The following DPP10 variants were observed in gnomAD, a reference collection of about 807,000 sequenced individuals.
The protein encoded by DPP10 is dipeptidyl peptidase like 10, also known as inactive dipeptidyl peptidase 10.
DPP10 carries 33 observed loss-of-function variants against 120.9 expected under a neutral mutation model. The observed-to-expected ratio is 0.27, with a 90% CI of 0.21 to 0.37. DPP10 has a LOEUF of 0.37. Among genes scored for constraint, DPP10 ranks in the 10% least tolerant of loss-of-function variants. The pLI is 1.00. For missense variants in DPP10, 816 were observed against 942.8 expected (o/e 0.87, Z 1.76); for synonymous variants, 337 against 326.1 (o/e 1.03, Z -0.36).
chr2:114,856,619 T>G, intron 1 of DPP10, among the ~76,000 whole-genome samples: 1 of 152,132 alleles, frequency 6.6e-6, no homozygotes, highest in East Asian at 1.9e-4. Context: ...TGAAAGAAAC[T>G]AAATACAAAA....
At chr2:114,532,491 C>A (rs956555452) in intron 1 of DPP10, among the ~76,000 whole-genome samples, 3 of 151,612 alleles carry the variant, frequency 2.0e-5, no homozygotes, top group African/African-American at 7.3e-5. Context: ...CTACCCACTA[C>A]CCAGGTAAAG....
rs756330006 is a variant in DPP10, at chr2:115,670,493, G to T, written c.442-19194G>T. ...CAGTTTTTGTAAGCTTTTTATCTTA[G>T]GTTCAGTCTAAGAGTAAAAAGCATT... On this transcript the variant is annotated intron_variant, in intron 5 of 25. Coordinates refer to ENST00000410059, the MANE Select transcript of DPP10 (RefSeq NM_020868.6). Among the ~76,000 whole-genome samples, 120 of 152,038 alleles carry T rather than the reference G, an allele frequency of 7.9e-4. 1 individual carries two copies. In the Middle Eastern group the frequency reaches 0.01, roughly 13 times the overall value.
chr2:114,646,195 T>TAAATAAAA (rs1438353730), intron 1 of DPP10, among the ~76,000 whole-genome samples: 51 of 144,628 alleles, frequency 3.5e-4, no homozygotes, highest in African/African-American at 1.3e-3. Context: ...AATAAATAAA[T>TAAATAAAA]AAAAAGGGGG....
At chr2:114,691,981 T>C (rs1172601500) in intron 1 of DPP10, among the ~76,000 whole-genome samples, 1 of 152,100 alleles carries the variant, frequency 6.6e-6, no homozygotes, top group African/African-American at 2.4e-5. Flanking sequence ...TCTTTTCTTC[T>C]TTATTAGTAT....
intron 1 of DPP10, among the ~76,000 whole-genome samples, chr2:114,822,667 G>A (rs780579947): frequency 1.3e-5 from 2 of 151,482 alleles, no homozygotes; most frequent in Non-Finnish European, 2.9e-5. Context: ...GTGCAAGTTC[G>A]TTACATATGT....
At chr2:115,107,630 C>A (rs1005751370) in intron 1 of DPP10, among the ~76,000 whole-genome samples, 1 of 151,712 alleles carries the variant, frequency 6.6e-6, no homozygotes, top group Non-Finnish European at 1.5e-5. Context: ...ATAACAAAAT[C>A]TTTTTCAATT....
At chr2:115,342,402 C>T (rs1307088660) in intron 2 of DPP10, among the ~76,000 whole-genome samples, 5 of 151,970 alleles carry the variant, frequency 3.3e-5, no homozygotes, top group Non-Finnish European at 4.4e-5. Context: ...TTGGTTGACA[C>T]GGAGTTTCAC....
intron 1 of DPP10, among the ~76,000 whole-genome samples, chr2:114,840,778 G>A (rs537294781): frequency 4.6e-5 from 7 of 152,204 alleles, no homozygotes; most frequent in Admixed American, 2.6e-4. Flanking sequence ...AGAGAGATAC[G>A]TATTGTCACT....
At chr2:115,236,175 ACTAAACC>A (rs2057998218) in intron 1 of DPP10, among the ~76,000 whole-genome samples, 1 of 152,204 alleles carries the variant, frequency 6.6e-6, no homozygotes, top group Non-Finnish European at 1.5e-5. Flanking sequence ...ATACATTGTC[ACTAAACC>A]CCCAAAGAAA....
At chr2:114,527,387 T>C (rs1053911968) in intron 1 of DPP10, among the ~76,000 whole-genome samples, 1 of 152,168 alleles carries the variant, frequency 6.6e-6, no homozygotes, top group Non-Finnish European at 1.5e-5. Flanking sequence ...CCAGTCCAAA[T>C]GGGACTATTC....
At chr2:115,086,931 C>A (rs1174046866) in intron 1 of DPP10, among the ~76,000 whole-genome samples, 2 of 152,114 alleles carry the variant, frequency 1.3e-5, no homozygotes, top group African/African-American at 4.8e-5. Flanking sequence ...TTTTACAGGG[C>A]TTGACTATTT....
At position 114,481,605 on chromosome 2, in the gene DPP10, A is replaced by G. The variant is rs148924389; in HGVS notation, c.60+38767A>G. Among the ~76,000 whole-genome samples, 46 of 152,278 alleles carry G rather than the reference A, an allele frequency of 3.0e-4. No homozygotes were observed. In the East Asian group the frequency reaches 6.9e-3, roughly 23 times the overall value. On this transcript the variant is annotated intron_variant, in intron 1 of 25. Transcript: ENST00000410059. ...TAAATAATTGTGGTATAAACTTATC[A>G]TGGAATACTATTCAACAATGGAAAG...
chr2:115,421,085 ATTTT>A (rs571965107), intron 3 of DPP10, among the ~76,000 whole-genome samples: 1 of 143,488 alleles, frequency 7.0e-6, no homozygotes, highest in Non-Finnish European at 1.5e-5. Flanking sequence ...TAGTGGCCCT[ATTTT>A]TTTTTTTTTA....
At chr2:115,273,742 T>C (rs1250015068) in intron 1 of DPP10, among the ~76,000 whole-genome samples, 4 of 152,258 alleles carry the variant, frequency 2.6e-5, no homozygotes, top group Non-Finnish European at 5.9e-5. Flanking sequence ...TTTGCAATAA[T>C]GTTCTTAAAA....
intron 1 of DPP10, among the ~76,000 whole-genome samples, chr2:114,754,322 C>T (rs1055508078): frequency 1.3e-5 from 2 of 152,162 alleles, no homozygotes; most frequent in Non-Finnish European, 2.9e-5. Context: ...AGCCAATCAC[C>T]AGACTTAAAA....
chr2:114,960,525 T>C (rs552590872), intron 1 of DPP10, among the ~76,000 whole-genome samples: 180 of 152,256 alleles, frequency 1.2e-3, no homozygotes, highest in Admixed American at 2.8e-3. Context: ...AATTTTATCA[T>C]GCGTTCATTT....
intron 1 of DPP10, among the ~76,000 whole-genome samples, chr2:114,868,761 G>A (rs1690440196): frequency 6.6e-6 from 1 of 152,088 alleles, no homozygotes; most frequent in Admixed American, 6.6e-5. Context: ...CTTTAAAATG[G>A]AAGTACAAAA....
chr2:114,481,020 G>C (rs1368502555), intron 1 of DPP10, among the ~76,000 whole-genome samples: 1 of 150,974 alleles, frequency 6.6e-6, no homozygotes, highest in East Asian at 1.9e-4. Flanking sequence ...ATATAAAGCA[G>C]TTAGGGGAAA....
At chr2:115,462,372 C>T (rs1276218146) in intron 3 of DPP10, among the ~76,000 whole-genome samples, 2 of 152,146 alleles carry the variant, frequency 1.3e-5, no homozygotes, top group East Asian at 1.9e-4. Context: ...ACAATTAATA[C>T]TTCTGCAGCA....
Sources: gnomAD v4.1 joint callset for allele counts (sites outside exome capture counted in the v4.1 genomes callset) on GRCh38, gnomAD v4.1.1 for gene constraint, MANE v1.5 for transcripts, NCBI Gene and HGNC (gene_info 2026-07-23, HGNC 2026-07-21) for gene names.